DLGAP2: variants seen among roughly 807,000 people sequenced by gnomAD.
DLGAP2 encodes disks large-associated protein 2.
A neutral mutation model predicts 100.3 loss-of-function variants in DLGAP2; 26 were observed. The observed-to-expected ratio is 0.26, with a 90% CI of 0.19 to 0.36. The LOEUF is 0.36. DLGAP2 is among the 10% of genes least tolerant of loss of function. DLGAP2 has a pLI of 1.00. For synonymous variants in DLGAP2, 886 were observed against 630.1 expected (o/e 1.41, Z -6.08); for missense variants, 1,858 against 1,453.2 (o/e 1.28, Z -4.53).
chr8:864,317 A>G (rs1054134856), intron 1 of DLGAP2, among the ~76,000 whole-genome samples: 6 of 152,154 alleles, frequency 3.9e-5, no homozygotes, highest in Non-Finnish European at 8.8e-5. Flanking sequence ...ATGTCCCAAA[A>G]TAGAAGAAAA....
Position 1,549,651 on chromosome 8 carries a change from A to G in DLGAP2, c.1198A>G (p.Lys400Glu). 1.3e-6 allele frequency: 2 copies of G among 1,572,000 alleles called. No homozygotes were observed. Among genetic ancestry groups the G allele is most frequent in the Non-Finnish European group, 1.7e-6 (2 of 1,159,356 alleles). The change falls in exon 5 of 15, where the codon AAG (lysine) becomes GAG (glutamate). Residue 400 changes from lysine (K) to glutamate (E), a missense_variant. Lys to Glu is a moderately conservative substitution (Grantham distance 56). Transcript: ENST00000637795. Reference protein sequence around the residue: ...LDKPLLHQDAKPALRPCHYLQ... With the variant: ...LDKPLLHQDAEPALRPCHYLQ... Reference sequence around the variant, plus strand: ...CAAGCCGCTGCTGCACCAGGACGCCAAGCCCGCCCTGAGGCCGTGCCACTA... The same window carrying G: ...CAAGCCGCTGCTGCACCAGGACGCCGAGCCCGCCCTGAGGCCGTGCCACTA...
chr8:1,049,701 A>T (rs1261321652), intron 2 of DLGAP2, among the ~76,000 whole-genome samples: 1 of 152,054 alleles, frequency 6.6e-6, no homozygotes, highest in Non-Finnish European at 1.5e-5. Context: ...ATGCGTGGAT[A>T]CAGACACAGG....
At chr8:1,127,396 A>G (rs1021840732) in intron 2 of DLGAP2, among the ~76,000 whole-genome samples, 2 of 152,016 alleles carry the variant, frequency 1.3e-5, no homozygotes, top group African/African-American at 4.8e-5. Flanking sequence ...ATGGAGGCCC[A>G]TTCACGTGTA....
intron 1 of DLGAP2, among the ~76,000 whole-genome samples, chr8:762,202 A>G (rs1031008545): frequency 2.6e-5 from 4 of 152,230 alleles, no homozygotes; most frequent in African/African-American, 9.6e-5. Context: ...AACAGAAACT[A>G]ATATTCATCC....
intron 2 of DLGAP2, among the ~76,000 whole-genome samples, chr8:1,126,574 A>C (rs1376151580): frequency 2.3e-4 from 35 of 151,766 alleles, no homozygotes; most frequent in Non-Finnish European, 1.5e-5. Flanking sequence ...TCAGAGGCTT[A>C]GACTCCTGCT....
chr8:1,113,419 C>T (rs1265479347), intron 2 of DLGAP2, among the ~76,000 whole-genome samples: 1 of 152,170 alleles, frequency 6.6e-6, no homozygotes, highest in Admixed American at 6.5e-5. Context: ...TTTAACCTCC[C>T]TTGTCAGCTG....
At chr8:753,187 C>T (rs942903044) in intron 1 of DLGAP2, among the ~76,000 whole-genome samples, 18 of 152,160 alleles carry the variant, frequency 1.2e-4, no homozygotes, top group Admixed American at 1.2e-3. Flanking sequence ...ATGGGTGTTG[C>T]TGCGGACCCC....
chr8:1,352,477 C>G (rs895100858), intron 3 of DLGAP2, among the ~76,000 whole-genome samples: 3 of 152,170 alleles, frequency 2.0e-5, no homozygotes, highest in Non-Finnish European at 4.4e-5. Context: ...CTTATCACTT[C>G]CTAAAAACTC....
chr8:1,183,412 A>G (rs1797433061), intron 2 of DLGAP2, among the ~76,000 whole-genome samples: 1 of 152,224 alleles, frequency 6.6e-6, no homozygotes, highest in African/African-American at 2.4e-5. Flanking sequence ...TCTGATATTG[A>G]TATTTGATCT....
intron 1 of DLGAP2, among the ~76,000 whole-genome samples, chr8:897,051 T>A (rs1798155550): frequency 6.6e-6 from 1 of 152,146 alleles, no homozygotes; most frequent in Non-Finnish European, 1.5e-5. Context: ...GGGAGAATCA[T>A]CGGAGGAAAC....
intron 1 of DLGAP2, among the ~76,000 whole-genome samples, chr8:793,838 C>T (rs989361467): frequency 2.6e-5 from 4 of 152,236 alleles, no homozygotes; most frequent in Admixed American, 6.5e-5. Context: ...CAACATCTTC[C>T]TTGCACTTCC....
intron 3 of DLGAP2, among the ~76,000 whole-genome samples, chr8:1,477,686 C>G (rs1326433881): frequency 6.6e-6 from 1 of 152,084 alleles, no homozygotes; most frequent in African/African-American, 2.4e-5. Context: ...CGCTTATTTA[C>G]TTCCCTGACA....
intron 4 of DLGAP2, among the ~76,000 whole-genome samples, chr8:1,509,348 T>TATAGACTA: frequency 7.4e-6 from 1 of 134,384 alleles, no homozygotes; most frequent in South Asian, 2.3e-4. Context: ...AAAAAAACCG[T>TATAGACTA]ATAGACTAGA....
chr8:1,231,807 G>A (rs1472665709), intron 2 of DLGAP2, among the ~76,000 whole-genome samples: 1 of 152,112 alleles, frequency 6.6e-6, no homozygotes, highest in Non-Finnish European at 1.5e-5. Flanking sequence ...GCCGCTAGAG[G>A]AGGAAGGAAG....
At chr8:944,770 A>G (rs1262800280) in intron 2 of DLGAP2, among the ~76,000 whole-genome samples, 1 of 149,944 alleles carries the variant, frequency 6.7e-6, no homozygotes, top group Non-Finnish European at 1.5e-5. Context: ...TAACTGATCC[A>G]TGTGGGTGAT....
intron 2 of DLGAP2, among the ~76,000 whole-genome samples, chr8:1,100,477 G>A (rs1190466127): frequency 2.0e-5 from 3 of 152,116 alleles, no homozygotes; most frequent in African/African-American, 7.2e-5. Flanking sequence ...TGTACAATGT[G>A]TGTAGGGAAA....
At chr8:1,352,823 C>T (rs1044437146) in intron 3 of DLGAP2, among the ~76,000 whole-genome samples, 1 of 152,156 alleles carries the variant, frequency 6.6e-6, no homozygotes, top group Non-Finnish European at 1.5e-5. Flanking sequence ...GTCTGCTCAT[C>T]CCATAGTAAG....
chr8:1,451,014 C>G (rs1273746175), intron 3 of DLGAP2, among the ~76,000 whole-genome samples: 1 of 152,108 alleles, frequency 6.6e-6, no homozygotes, highest in Non-Finnish European at 1.5e-5. Flanking sequence ...TCACCGAATT[C>G]CAGGGCATCA....
chr8:1,145,084 A>T (rs1429505457), intron 2 of DLGAP2, among the ~76,000 whole-genome samples: 1 of 152,262 alleles, frequency 6.6e-6, no homozygotes, highest in Admixed American at 6.5e-5. Flanking sequence ...TAGGTGGCCA[A>T]GGGACCAGGA....
Sources: allele counts gnomAD v4.1 joint callset (sites outside exome capture counted in the v4.1 genomes callset), GRCh38; gene constraint gnomAD v4.1.1; transcripts MANE v1.5; gene names NCBI Gene and HGNC (gene_info 2026-07-23, HGNC 2026-07-21).